ATXN1: variants seen among roughly 807,000 people sequenced by gnomAD.
ATXN1 encodes ataxin-1.
ATXN1 carries 8 observed loss-of-function variants against 56.4 expected under a neutral mutation model. That is an observed-to-expected ratio of 0.14 (90% CI 0.08 to 0.26). The LOEUF (loss-of-function observed/expected upper bound fraction) is 0.26. ATXN1 is among the 10% of genes least tolerant of loss of function. The probability of loss-of-function intolerance (pLI) is 1.00; values close to 1 mark genes in which losing one functional copy is unlikely to be tolerated. For synonymous variants in ATXN1, 514 were observed against 494.6 expected, an observed-to-expected ratio of 1.04 and a Z score of -0.52; for missense variants, 987 against 1,106.5, an observed-to-expected ratio of 0.89 and a Z score of 1.53.
intron 6 of ATXN1, among the ~76,000 whole-genome samples, chr6:16,330,557 T>G (rs968034890): frequency 2.6e-5 from 4 of 151,998 alleles, no homozygotes; most frequent in Non-Finnish European, 2.9e-5. Context: ...ACCCGGCTAA[T>G]TTTTGTACTT....
Position 16,613,134 on chromosome 6 carries a change from G to A in ATXN1, c.-488-27227C>T, listed in dbSNP as rs1314645503. Among the ~76,000 whole-genome samples, 10 of 147,374 alleles carry A rather than the reference G, an allele frequency of 6.8e-5. No individual in the cohort carries two copies. In the East Asian group the frequency reaches 1.6e-3, roughly 24 times the overall value. On this transcript the variant is annotated intron_variant, in intron 3 of 7. Coordinates refer to ENST00000436367, the MANE Select transcript of ATXN1 (RefSeq NM_001128164.2). Reference sequence around the variant, plus strand: ...CAAAAAATTAGCCGGGCGCGGTGGCGGGCGCCTGTAGTCCCAGCCACTCGG... The same window carrying A: ...CAAAAAATTAGCCGGGCGCGGTGGCAGGCGCCTGTAGTCCCAGCCACTCGG...
chr6:16,731,194 G>A (rs1187615034), intron 2 of ATXN1, among the ~76,000 whole-genome samples: 2 of 151,800 alleles, frequency 1.3e-5, no homozygotes, highest in African/African-American at 2.4e-5. Flanking sequence ...TCCACGAGAA[G>A]CAGTTTGTGC....
At chr6:16,644,513 C>CA (rs368108627) in intron 3 of ATXN1, among the ~76,000 whole-genome samples, 5,423 of 92,046 alleles carry the variant, frequency 0.059, 310 homozygotes, top group African/African-American at 0.17. Flanking sequence ...GACTCCGTTT[C>CA]AAAAAAAAAA....
chr6:16,563,712 A>T (rs945695544), intron 4 of ATXN1, among the ~76,000 whole-genome samples: 3 of 152,108 alleles, frequency 2.0e-5, no homozygotes, highest in African/African-American at 7.2e-5. Flanking sequence ...AGCTGAAATG[A>T]AGGAAAGGTG....
intron 3 of ATXN1, among the ~76,000 whole-genome samples, chr6:16,606,043 C>T (rs527380052): frequency 9.2e-5 from 14 of 152,140 alleles, no homozygotes; most frequent in African/African-American, 2.9e-4. Flanking sequence ...GTGGGGGGAT[C>T]GCTTGAACCC....
At chr6:16,351,848 C>A (rs76581598) in intron 6 of ATXN1, among the ~76,000 whole-genome samples, 1 of 152,218 alleles carries the variant, frequency 6.6e-6, no homozygotes, top group African/African-American at 2.4e-5. Flanking sequence ...CAGATGTGTG[C>A]TGACGGTACT....
intron 2 of ATXN1, among the ~76,000 whole-genome samples, chr6:16,670,975 CA>C (rs1159814521): frequency 6.6e-6 from 1 of 152,220 alleles, no homozygotes; most frequent in Non-Finnish European, 1.5e-5. Flanking sequence ...ATCCTCATTA[CA>C]GTCCATTTAC....
intron 3 of ATXN1, among the ~76,000 whole-genome samples, chr6:16,643,493 G>A (rs867510189): frequency 6.6e-6 from 1 of 151,942 alleles, no homozygotes; most frequent in African/African-American, 2.4e-5. Flanking sequence ...GCCAGGTGTT[G>A]TCGTGCACAC....
chr6:16,445,911 T>C (rs1376603853), intron 6 of ATXN1, among the ~76,000 whole-genome samples: 1 of 151,590 alleles, frequency 6.6e-6, no homozygotes, highest in East Asian at 1.9e-4. Flanking sequence ...ATTTTCTTAA[T>C]CCAGTCTATC....
At chr6:16,522,876 A>G (rs1761320455) in intron 4 of ATXN1, among the ~76,000 whole-genome samples, 188 bp from the exon 5 acceptor site, 1 of 152,216 alleles carries the variant, frequency 6.6e-6, no homozygotes, top group East Asian at 1.9e-4. Context: ...TTTTAAAAGC[A>G]GAGCTTTGAA....
At chr6:16,640,064 A>AT (rs932037280) in intron 3 of ATXN1, among the ~76,000 whole-genome samples, 100 of 151,068 alleles carry the variant, frequency 6.6e-4, no homozygotes, top group African/African-American at 2.1e-3. Context: ...CAGATACTGC[A>AT]TTTTTTTTTC....
At chr6:16,319,406 A>ATT (rs1483436366) in intron 7 of ATXN1, among the ~76,000 whole-genome samples, 1 of 152,172 alleles carries the variant, frequency 6.6e-6, no homozygotes, top group East Asian at 1.9e-4. Flanking sequence ...AACTATGGAG[A>ATT]GAGTAAAATG....
intron 2 of ATXN1, among the ~76,000 whole-genome samples, chr6:16,694,702 C>A (rs1411161939): frequency 6.6e-6 from 1 of 152,164 alleles, no homozygotes; most frequent in Non-Finnish European, 1.5e-5. Context: ...TCTACAATAA[C>A]CTTCTATCCA....
chr6:16,446,818 T>C (rs1759645723), intron 6 of ATXN1, among the ~76,000 whole-genome samples: 1 of 152,198 alleles, frequency 6.6e-6, no homozygotes, highest in Admixed American at 6.5e-5. Context: ...CCATACTCTC[T>C]ACAGTTTGCT....
At chr6:16,467,315 G>A (rs898573855) in intron 6 of ATXN1, among the ~76,000 whole-genome samples, 12 of 152,238 alleles carry the variant, frequency 7.9e-5, no homozygotes, top group African/African-American at 2.9e-4. Context: ...TATGTATGAA[G>A]AGGATGCAGC....
At chr6:16,345,245 T>C (rs1761351326) in intron 6 of ATXN1, among the ~76,000 whole-genome samples, 1 of 152,232 alleles carries the variant, frequency 6.6e-6, no homozygotes, top group Non-Finnish European at 1.5e-5. Flanking sequence ...CACGTGAGAT[T>C]ATTAACTCCT....
intron 6 of ATXN1, among the ~76,000 whole-genome samples, chr6:16,367,546 T>C (rs1341485971): frequency 6.6e-6 from 1 of 152,204 alleles, no homozygotes; most frequent in Non-Finnish European, 1.5e-5. Context: ...GGTCAAATTT[T>C]CCCAGAAACA....
chr6:16,458,369 C>T (rs1415451880), intron 6 of ATXN1, among the ~76,000 whole-genome samples: 1 of 152,168 alleles, frequency 6.6e-6, no homozygotes, highest in African/African-American at 2.4e-5. Context: ...TACTGCCTTC[C>T]TCAAGCAGCT....
intron 6 of ATXN1, among the ~76,000 whole-genome samples, chr6:16,405,220 A>G (rs1432911432): frequency 2.0e-5 from 3 of 152,252 alleles, no homozygotes; most frequent in African/African-American, 7.2e-5. Context: ...ACAACTCTGT[A>G]GCCAACTTTT....
Sources: allele counts gnomAD v4.1 joint callset (sites outside exome capture counted in the v4.1 genomes callset), GRCh38; gene constraint gnomAD v4.1.1; transcripts MANE v1.5; gene names NCBI Gene and HGNC (gene_info 2026-07-23, HGNC 2026-07-21).